The following TENM1 variants were observed in gnomAD, a reference collection of about 807,000 sequenced individuals.
TENM1 encodes the protein teneurin transmembrane protein 1.
In TENM1, 35 loss-of-function variants were observed where a neutral mutation model predicts 174.8. That is an observed-to-expected ratio of 0.20 (90% CI 0.15 to 0.27). The LOEUF is 0.27. TENM1 is among the 10% of genes least tolerant of loss of function. The probability of loss-of-function intolerance (pLI) is 1.00; values close to 1 mark genes in which losing one functional copy is unlikely to be tolerated. For missense variants in TENM1, 1,633 were observed against 2,130.1 expected, an observed-to-expected ratio of 0.77 and a Z score of 4.59; for synonymous variants, 781 against 798.7, an observed-to-expected ratio of 0.98 and a Z score of 0.37.
chrX:124,418,354 AC>A (rs1451111482), intron 25 of TENM1, among the ~76,000 whole-genome samples: 1 of 99,928 alleles, frequency 1.0e-5, no homozygotes, highest in South Asian at 4.9e-4. Flanking sequence ...CCCTCATACC[AC>A]CCCCCACCCC....
chrX:125,196,463 A>G, the TENM1 span, among the ~76,000 whole-genome samples: 6 of 111,811 alleles, frequency 5.4e-5, no homozygotes, highest in African/African-American at 1.9e-4. Flanking sequence ...ACTTAATAGA[A>G]CAGATCACAC....
the TENM1 span, among the ~76,000 whole-genome samples, chrX:124,999,657 G>A: frequency 7.2e-5 from 8 of 111,033 alleles, no homozygotes; most frequent in African/African-American, 2.0e-4. Context: ...TACCAGCTGA[G>A]GAGTTTGAAC....
exon 32 of TENM1, chrX:124,380,682 C>T: frequency 1.7e-6 from 2 of 1,212,002 alleles, no homozygotes; most frequent in Non-Finnish European, 2.2e-6. Flanking sequence ...TTTTCCCCTT[C>T]TGTCCATGCC....
At chrX:124,765,965 A>G (rs1017046382) in intron 3 of TENM1, among the ~76,000 whole-genome samples, 2 of 112,127 alleles carry the variant, frequency 1.8e-5, no homozygotes, top group Non-Finnish European at 3.8e-5. Context: ...AAGGATTAAA[A>G]GGTTCACGAA....
chrX:124,525,666 T>C (rs1484336703), intron 16 of TENM1, among the ~76,000 whole-genome samples: 1 of 112,353 alleles, frequency 8.9e-6, no homozygotes, highest in Non-Finnish European at 1.9e-5. Flanking sequence ...AGGCCAGGCA[T>C]CTTGTTTTGT....
chrX:124,904,982 T>C (rs1001150560), intron 1 of TENM1, among the ~76,000 whole-genome samples: 1 of 111,341 alleles, frequency 9.0e-6, no homozygotes, highest in African/African-American at 3.3e-5. Context: ...ACAGCCTGTT[T>C]TCAGGAACTC....
At chrX:124,527,945 C>A (rs1182634780) in intron 16 of TENM1, among the ~76,000 whole-genome samples, 1 of 106,825 alleles carries the variant, frequency 9.4e-6, no homozygotes, top group East Asian at 2.9e-4. Flanking sequence ...CTTGAGCCAC[C>A]GTGCCCGGCC....
Position 124,383,652 on chromosome X carries a change from C to T in TENM1, c.7279G>A (p.Val2427Ile). ...TAAATACCTGTGGTATACTTTGCAA[C>T]ATCTTGAATTTTGCCAACTGGGTAG... The change falls in exon 30 of 32, where the codon GTT (valine) becomes ATT (isoleucine). Residue 2427 changes from valine to isoleucine, a missense_variant. Physicochemically the swap from Val to Ile is conservative, Grantham distance 29. Transcript: ENST00000422452. 8.3e-7 allele frequency: 1 copy of T among 1,208,898 alleles called. No homozygotes were observed. The highest frequency in any genetic ancestry group is 1.8e-5 in the South Asian group (1 of 56,571).
At chrX:124,589,652 G>A (rs971348654) in intron 11 of TENM1, among the ~76,000 whole-genome samples, 1 of 110,596 alleles carries the variant, frequency 9.0e-6, no homozygotes, top group Admixed American at 9.7e-5. Flanking sequence ...GGGAGGTTAT[G>A]TTTTTCCAGT....
At chrX:124,822,110 G>A (rs777862626) in intron 3 of TENM1, among the ~76,000 whole-genome samples, 4 of 112,450 alleles carry the variant, frequency 3.6e-5, no homozygotes, top group African/African-American at 6.5e-5. Context: ...AGGCAACTAC[G>A]TGCTCACCAA....
At chrX:124,922,820 T>C (rs1367011670) in intron 1 of TENM1, among the ~76,000 whole-genome samples, 1 of 111,383 alleles carries the variant, frequency 9.0e-6, no homozygotes, top group Non-Finnish European at 1.9e-5. Flanking sequence ...AAGTATTTTA[T>C]GGTTCTTCTA....
the TENM1 span, among the ~76,000 whole-genome samples, chrX:125,116,056 A>G: frequency 9.0e-6 from 1 of 111,536 alleles, no homozygotes; most frequent in South Asian, 3.8e-4. Flanking sequence ...TATATAGACC[A>G]ATGGAATAGA....
At chrX:124,586,680 C>T (rs1457982786) in intron 11 of TENM1, among the ~76,000 whole-genome samples, 24 of 106,414 alleles carry the variant, frequency 2.3e-4, no homozygotes, top group Non-Finnish European at 3.7e-4. Context: ...GTTGGAAGTT[C>T]TGGCCAGGGC....
intron 3 of TENM1, among the ~76,000 whole-genome samples, chrX:124,781,741 C>G (rs1239698429): frequency 9.0e-6 from 1 of 111,157 alleles, no homozygotes; most frequent in Non-Finnish European, 1.9e-5. Flanking sequence ...CCTTTAGGAC[C>G]TGACTATCTC....
At chrX:124,735,025 T>C (rs1158924827) in intron 4 of TENM1, among the ~76,000 whole-genome samples, 1 of 111,998 alleles carries the variant, frequency 8.9e-6, no homozygotes, top group African/African-American at 3.2e-5. Context: ...CTTCAGGACA[T>C]TGGCCTAGGC....
the TENM1 span, among the ~76,000 whole-genome samples, chrX:125,157,469 T>A: frequency 1.8e-5 from 2 of 112,353 alleles, no homozygotes; most frequent in Admixed American, 9.4e-5. Flanking sequence ...TATGCTTTTG[T>A]ATCCATCGAC....
At chrX:124,745,185 T>A (rs2053888230) in intron 3 of TENM1, among the ~76,000 whole-genome samples, 1 of 111,257 alleles carries the variant, frequency 9.0e-6, no homozygotes, top group African/African-American at 3.3e-5. Flanking sequence ...GCAAGAAAGA[T>A]CCCCTGTACT....
At chrX:124,647,437 A>G (rs917919671) in intron 8 of TENM1, among the ~76,000 whole-genome samples, 3 of 111,119 alleles carry the variant, frequency 2.7e-5, no homozygotes, top group Non-Finnish European at 5.7e-5. Flanking sequence ...TCTGCCACTA[A>G]TTTCCTTTCA....
chrX:124,727,477 A>G (rs1379524745), intron 4 of TENM1, among the ~76,000 whole-genome samples: 2 of 111,854 alleles, frequency 1.8e-5, no homozygotes, highest in Non-Finnish European at 3.8e-5. Context: ...AATAAGAGTA[A>G]ACAAAAATGG....
Sources: gnomAD v4.1 joint callset for allele counts (sites outside exome capture counted in the v4.1 genomes callset) on GRCh38, gnomAD v4.1.1 for gene constraint, MANE v1.5 for transcripts, NCBI Gene and HGNC (gene_info 2026-07-23, HGNC 2026-07-21) for gene names.